ZNF554: variants seen among roughly 807,000 people sequenced by gnomAD.
ZNF554 encodes zinc finger protein 554.
Under a neutral mutation model 21.2 loss-of-function variants are expected in ZNF554, and 15 were observed. That is an observed-to-expected ratio of 0.71 (90% confidence interval 0.47 to 1.09). The LOEUF (loss-of-function observed/expected upper bound fraction) is 1.09. ZNF554 is among the 50% of genes least tolerant of loss of function. The pLI is 0.00. For missense variants in ZNF554, 691 were observed against 662.7 expected, an observed-to-expected ratio of 1.04 and a Z score of -0.47; for synonymous variants, 258 against 251.4, an observed-to-expected ratio of 1.03 and a Z score of -0.25.
Position 2,835,132 on chromosome 19 carries a change from A to G in ZNF554, c.*280A>G. 1 of 376,918 alleles carries G rather than the reference A, an allele frequency of 2.7e-6. No individual in the cohort carries two copies. The highest frequency in any genetic ancestry group is 4.1e-5 in the Admixed American group (1 of 24,256). 23.3% of individuals were successfully genotyped at this position (376,918 alleles called of 1,614,324 possible). On this transcript the variant is annotated 3_prime_UTR_variant, in exon 5 of 5. Transcript: ENST00000317243. ...TCCCACCCCAGCCTCCCAGGTAGCT[A>G]GTACTATAGGTGTGCACCACCACGC...
At chr19:2,823,851 C>T (rs1337014578) in intron 2 of ZNF554, among the ~76,000 whole-genome samples, 2 of 152,142 alleles carry the variant, frequency 1.3e-5, no homozygotes, top group African/African-American at 4.8e-5. Flanking sequence ...CCGACTGGTT[C>T]ATGGGCGGCC....
At chr19:2,823,297 G>A (rs543541334) in intron 2 of ZNF554, among the ~76,000 whole-genome samples, 185 bp downstream of exon 2, 6 of 152,218 alleles carry the variant, frequency 3.9e-5, no homozygotes, top group African/African-American at 1.4e-4. Context: ...CTCAGTATTG[G>A]GACTGAGCAC....
intron 2 of ZNF554, among the ~76,000 whole-genome samples, chr19:2,825,352 C>T (rs4807342): frequency 0.26 from 38,803 of 151,982 alleles, 6,252 homozygotes; most frequent in East Asian, 0.67. Flanking sequence ...GCTCTGTTGC[C>T]CAAGCTGAAG....
rs1035460084 is a variant in ZNF554, at chr19:2,828,422, G to A, written c.253+679G>A. Reference sequence around the variant, plus strand: ...AAGAGTACCACCTAGGCTGGGTGTGGTGGCTCATGCCTGTTATCCAAGCAC... The same window carrying A: ...AAGAGTACCACCTAGGCTGGGTGTGATGGCTCATGCCTGTTATCCAAGCAC... On this transcript the variant is annotated intron_variant, in intron 3 of 4. Transcript: ENST00000317243. Among the ~76,000 whole-genome samples the A allele has an allele frequency of 4.5e-4, 68 of 152,194 alleles. 1 individual carries two copies. The highest frequency in any genetic ancestry group is 1.5e-5 in the Non-Finnish European group (1 of 68,026).
At chr19:2,820,188 T>A in intron 1 of ZNF554, 64 bp downstream of exon 1, 1 of 1,203,232 alleles carries the variant, frequency 8.3e-7, no homozygotes, top group Non-Finnish European at 1.0e-6. Flanking sequence ...CTGGTGGGGC[T>A]GGGTCTGGCG....
intron 4 of ZNF554, among the ~76,000 whole-genome samples, chr19:2,833,425 A>G (rs1221749302): frequency 1.3e-5 from 2 of 152,182 alleles, no homozygotes; most frequent in South Asian, 2.1e-4. Context: ...CACCTGGCCT[A>G]CAGAGTAATT....
Position 2,834,528 on chromosome 19 carries a change from C to T in ZNF554, c.1293C>T (p.Thr431=), listed in dbSNP as rs370783747. 52 of 1,613,816 alleles carry T rather than the reference C, an allele frequency of 3.2e-5. No individual in the cohort carries two copies. Among genetic ancestry groups the T allele is most frequent in the African/African-American group, 6.7e-5 (5 of 74,834 alleles). The change falls in exon 5 of 5, where the codon ACC becomes ACT. Residue 431 remains threonine, a synonymous_variant. Coordinates refer to ENST00000317243, the MANE Select transcript of ZNF554 (RefSeq NM_001102651.2). Reference sequence around the variant, plus strand: ...TGATCTTGCACAAGAGGACACACACCGGAGAGAAGCCCTACGAATGCAGTG... The same window carrying T: ...TGATCTTGCACAAGAGGACACACACTGGAGAGAAGCCCTACGAATGCAGTG... ...SYLILHKRTH[T]GEKPYECSEC... is the part of the protein sequence containing the mutation.
rs138262452 is a variant in ZNF554 at position 2,821,902 on chromosome 19, G to A, written c.54-1138G>A. Among the ~76,000 whole-genome samples, 1,365 of 151,566 alleles carry A rather than the reference G, an allele frequency of 9.0e-3. 27 individuals are homozygous for A. The highest frequency in any genetic ancestry group is 0.031 in the African/African-American group (1,286 of 41,322). On this transcript the variant is annotated intron_variant, in intron 1 of 4. Transcript: ENST00000317243. This position sits in a 1 kb window ranked among gnomAD's most constrained non-coding sequence, Gnocchi z 8.2. ...CTGGTCTCGAACTCCTGACCTCGTG[G>A]TCTGCCCGCCTTGGCCTTTCAAAAT...
chr19:2,827,827 A>G (rs2087356358), intron 3 of ZNF554, 84 bp downstream of exon 3: 2 of 1,538,698 alleles, frequency 1.3e-6, no homozygotes, highest in Admixed American at 1.9e-5. Context: ...CTAATAAAGA[A>G]ATACCCAAGA....
chr19:2,834,294 G>C lies in ZNF554; in HGVS notation c.1059G>C (p.Glu353Asp). The change falls in exon 5 of 5, where the codon GAG becomes GAC. Residue 353 changes from glutamate to aspartate, a missense_variant. Coordinates refer to ENST00000317243, the MANE Select transcript of ZNF554 (RefSeq NM_001102651.2). ...TTCACACGGGGGAGAAACCCTACGA[G>C]TGTCAGGAGTGTGGGCGAGCCTTTA... The part of the protein sequence containing the change: ...QRIHTGEKPY[E>D]CQECGRAFTH... The C allele has an allele frequency of 6.2e-7, 1 of 1,614,012 alleles. No individual in the cohort carries two copies. The highest frequency in any genetic ancestry group is 1.1e-5 in the South Asian group (1 of 91,078).
At chr19:2,825,120 C>T (rs1447405715) in intron 2 of ZNF554, among the ~76,000 whole-genome samples, 1 of 144,020 alleles carries the variant, frequency 6.9e-6, no homozygotes, top group African/African-American at 2.6e-5. Context: ...TCAAGCTATT[C>T]TTGTGTCTCA....
Position 2,819,918 on chromosome 19 carries a change from C to G in ZNF554, c.-154C>G. ...TCGGGGTTGGTGGCGGCGGCTGCGGCGAGTTCCTGAGGGGCGCCTGCGGGG... is the reference window on the plus strand; with the variant it reads ...TCGGGGTTGGTGGCGGCGGCTGCGGGGAGTTCCTGAGGGGCGCCTGCGGGG... On this transcript the variant is annotated 5_prime_UTR_variant, in exon 1 of 5. Transcript: ENST00000317243. 1 of 462,406 alleles carries G rather than the reference C, an allele frequency of 2.2e-6. No homozygotes were observed. Among genetic ancestry groups the G allele is most frequent in the Non-Finnish European group, 3.3e-6 (1 of 306,170 alleles). 28.6% of individuals were successfully genotyped at this position (462,406 alleles called of 1,614,324 possible).
Position 2,833,733 on chromosome 19 carries a change from G to A in ZNF554, c.498G>A (p.Leu166=), listed in dbSNP as rs377757632. 54 of 1,555,902 alleles carry A rather than the reference G, an allele frequency of 3.5e-5. No individual in the cohort carries two copies. The highest frequency in any genetic ancestry group is 4.7e-5 in the Non-Finnish European group (54 of 1,152,432). The change falls in exon 5 of 5, where the codon TTG becomes TTA. Residue 166 remains leucine, a synonymous_variant. Transcript: ENST00000317243. ...NQDSTYKKVA[L]QEEPASGINM... is the part of the protein sequence containing the mutation. Reference sequence around the variant, plus strand: ...ACTCAACTTACAAGAAGGTGGCTTTGCAGGAGGAACCAGCCAGTGGTATAA... The same window carrying A: ...ACTCAACTTACAAGAAGGTGGCTTTACAGGAGGAACCAGCCAGTGGTATAA...
Position 2,819,943 on chromosome 19 carries a change from G to A in ZNF554, c.-129G>A, listed in dbSNP as rs1172555370. 5 of 672,830 alleles carry A rather than the reference G, an allele frequency of 7.4e-6. No homozygotes were observed. The highest frequency in any genetic ancestry group is 4.8e-5 in the Admixed American group (1 of 20,772). 41.7% of individuals were successfully genotyped at this position (672,830 alleles called of 1,614,324 possible). A position where few individuals can be genotyped will look rare whatever the true frequency, so the allele number is the denominator to read the frequency against. On this transcript the variant is annotated 5_prime_UTR_variant, in exon 1 of 5. Coordinates refer to ENST00000317243, the MANE Select transcript of ZNF554 (RefSeq NM_001102651.2). ...CGAGTTCCTGAGGGGCGCCTGCGGGGGGCGTCCGCTCCGAGCGCCGAGGAG... is the reference window on the plus strand; with the variant it reads ...CGAGTTCCTGAGGGGCGCCTGCGGGAGGCGTCCGCTCCGAGCGCCGAGGAG...
rs547145169 is a variant in ZNF554 at position 2,827,440 on chromosome 19, A to G, written c.127-177A>G. On this transcript the variant is annotated intron_variant, in intron 2 of 4. Coordinates refer to ENST00000317243, the MANE Select transcript of ZNF554 (RefSeq NM_001102651.2). The stretch of plus-strand genomic sequence containing the variant: ...TGTTGATGGTGGGCCTAGGGTCTGT[A>G]TGTCCCTCTGATTTTAAGCCAAGGA... Among the ~76,000 whole-genome samples, 4 of 152,270 alleles carry G rather than the reference A, an allele frequency of 2.6e-5. No individual in the cohort carries two copies. In the East Asian group the frequency reaches 5.8e-4, roughly 22 times the overall value.
chr19:2,822,609 G>C (rs113908559), intron 1 of ZNF554, among the ~76,000 whole-genome samples: 3,616 of 152,182 alleles, frequency 0.024, 58 homozygotes, highest in Non-Finnish European at 0.038. Flanking sequence ...GATGTGTGTG[G>C]CGTCTCACAC....
intron 3 of ZNF554, among the ~76,000 whole-genome samples, chr19:2,828,734 C>G (rs566338468): frequency 1.3e-5 from 2 of 151,536 alleles, no homozygotes; most frequent in African/African-American, 4.9e-5. Context: ...CCACATGGCT[C>G]GGGAGGCCTC....
rs1454618265 is a variant in ZNF554, at chr19:2,821,165, C to G, written c.53+1041C>G. Among the ~76,000 whole-genome samples the G allele has an allele frequency of 6.6e-6, 1 of 151,712 alleles. No individual in the cohort carries two copies. Among genetic ancestry groups the G allele is most frequent in the Non-Finnish European group, 1.5e-5 (1 of 68,022 alleles). ...AGTGCAGTTGCACGATCTCGGCTCA[C>G]TGCATCCACCTCGTGGGTTCAAGTG... is the stretch of plus-strand genomic sequence containing the variant. On this transcript the variant is annotated intron_variant, in intron 1 of 4. Transcript: ENST00000317243. This position sits in a 1 kb window ranked among gnomAD's most constrained non-coding sequence, Gnocchi z 8.2.
intron 2 of ZNF554, among the ~76,000 whole-genome samples, chr19:2,827,302 G>A (rs2159561): frequency 0.19 from 28,224 of 152,102 alleles, 3,729 homozygotes; most frequent in East Asian, 0.46. Context: ...ATCAGCAGGG[G>A]GAGATTCTCA....
Sources: allele counts gnomAD v4.1 joint callset (sites outside exome capture counted in the v4.1 genomes callset), GRCh38; gene constraint gnomAD v4.1.1; non-coding constraint Gnocchi (gnomAD v3.1); transcripts MANE v1.5; gene names NCBI Gene and HGNC (gene_info 2026-07-23, HGNC 2026-07-21).